Variants in CPT2 observed in about 807,000 individuals in gnomAD.
The protein encoded by CPT2 is carnitine palmitoyltransferase 2.
In CPT2, 37 loss-of-function variants were observed where a neutral mutation model predicts 48.6. The ratio of observed to expected loss-of-function variants is 0.76; its 90% CI spans 0.59 to 1.00. The LOEUF (loss-of-function observed/expected upper bound fraction) is 1.00. Ranked by LOEUF, CPT2 falls within the 50% of genes least tolerant of loss-of-function variation. The pLI is 0.00. For missense variants in CPT2, 772 were observed against 825.6 expected (o/e 0.94, Z 0.80); for synonymous variants, 319 against 326.9 (o/e 0.98, Z 0.26).
intron 4 of CPT2, chr1:53,212,692 G>A (rs1645437254): frequency 2.5e-6 from 1 of 403,152 alleles, no homozygotes. Flanking sequence ...GACCTGGAGG[G>A]TCATAGTTGT....
chr1:53,203,299 C>G (rs1645365649), intron 3 of CPT2: 1 of 152,196 alleles, frequency 6.6e-6, no homozygotes, highest in Admixed American at 6.5e-5. Flanking sequence ...TATACACATA[C>G]TTCCTATCCC....
In CPT2 at chr1:53,196,843, C is replaced by T. The variant is rs886046406; in HGVS notation, c.-101C>T. 35 of 1,441,390 alleles carry T rather than the reference C, an allele frequency of 2.4e-5. No individual in the cohort carries two copies. The Admixed American group carries it at 6.9e-4, about 28-fold the overall frequency. 89.3% of individuals were successfully genotyped at this position (1,441,390 alleles called of 1,614,324 possible). On this transcript the variant is annotated 5_prime_UTR_variant, in exon 1 of 5. Transcript: ENST00000371486. ...GCGGGCGGAGAAGTGCCTCAGGAGT[C>T]CTGACGCAGTGTCTTGGGCGCTAAC...
chr1:53,211,363 T>C (rs1572386066), intron 4 of CPT2, 44 bp downstream of exon 4: 1 of 1,525,676 alleles, frequency 6.6e-7, no homozygotes. Flanking sequence ...TTGTCCTCAG[T>C]GCTTGGGTAA....
intron 3 of CPT2, chr1:53,202,661 A>T: frequency 1.8e-6 from 1 of 561,522 alleles, no homozygotes; most frequent in Non-Finnish European, 3.2e-6. Flanking sequence ...TGTAGATGGG[A>T]TTGAGGCAGA....
Position 53,200,766 on chromosome 1 carries a change from C to G in CPT2, c.200C>G (p.Ala67Gly), listed in dbSNP as rs201966320. The change falls in exon 2 of 5, where the codon GCA (alanine) becomes GGA (glycine). Residue 67 changes from alanine to glycine, a missense_variant. Coordinates refer to ENST00000371486, the MANE Select transcript of CPT2 (RefSeq NM_000098.3). Reference sequence around the variant, plus strand: ...GACACCATTAGGAGATACCTCAGTGCACAGAAGCCTCTCTTGAATGATGGC... The same window carrying G: ...GACACCATTAGGAGATACCTCAGTGGACAGAAGCCTCTCTTGAATGATGGC... ...LEDTIRRYLS[A>G]QKPLLNDGQF... 6.7e-5 allele frequency: 108 copies of G among 1,614,060 alleles called. No individual in the cohort carries two copies. Among genetic ancestry groups the G allele is most frequent in the Non-Finnish European group, 8.9e-5 (105 of 1,179,942 alleles).
chr1:53,211,121 G>C lies in CPT2; in HGVS notation c.1447G>C (p.Val483Leu). The C allele has an allele frequency of 6.2e-7, 1 of 1,614,088 alleles. No individual in the cohort carries two copies. Among genetic ancestry groups the C allele is most frequent in the South Asian group, 1.1e-5 (1 of 91,064 alleles). The change falls in exon 4 of 5, where the codon GTG becomes CTG. Residue 483 changes from valine (V) to leucine (L), a missense_variant. By Grantham distance (32) the Val-to-Leu change is conservative. Transcript: ENST00000371486. ...MAFLRQYGQT[V>L]ATYESCSTAA... ...CTTCCTGCGGCAGTACGGGCAGACA[G>C]TGGCCACCTACGAGTCCTGTAGCAC...
chr1:53,205,529 A>AT (rs1645382132), intron 3 of CPT2, among the ~76,000 whole-genome samples: 1 of 152,228 alleles, frequency 6.6e-6, no homozygotes, highest in African/African-American at 2.4e-5. Flanking sequence ...AGAAAAACCC[A>AT]TTTTCTGGGG....
In CPT2 at chr1:53,197,969, C is replaced by T. The variant is rs184681876; in HGVS notation, c.152+874C>T. Among the ~76,000 whole-genome samples the T allele has an allele frequency of 4.4e-4, 67 of 152,254 alleles. No homozygotes were observed. In the East Asian group the frequency reaches 0.013, roughly 29 times the overall value. Reference sequence around the variant, plus strand: ...AACACTTCACCCAGAATCGACTTCCCCTCTGAAAAGAGCCCTAGTAAATCC... The same window carrying T: ...AACACTTCACCCAGAATCGACTTCCTCTCTGAAAAGAGCCCTAGTAAATCC... On this transcript the variant is annotated intron_variant, in intron 1 of 4. Coordinates refer to ENST00000371486, the MANE Select transcript of CPT2 (RefSeq NM_000098.3).
Position 53,211,151 on chromosome 1 carries a change from G to A in CPT2, c.1477G>A (p.Ala493Thr), listed in dbSNP as rs61731996. ...CACCTACGAGTCCTGTAGCACTGCC[G>A]CATTCAAGCACGGCCGCACTGAGAC... ...VATYESCSTAAFKHGRTETIR... is the reference protein window; with the variant it reads ...VATYESCSTATFKHGRTETIR... Residue 493 changes from alanine to threonine, a missense_variant, in exon 4 of 5, where the codon GCA becomes ACA. Ala to Thr is a moderately conservative substitution (Grantham distance 58). Coordinates refer to ENST00000371486, the MANE Select transcript of CPT2 (RefSeq NM_000098.3). The A allele has an allele frequency of 5.5e-5, 88 of 1,612,358 alleles. No homozygotes were observed. The African/African-American group carries it at 9.6e-4, about 18-fold the overall frequency.
At chr1:53,201,717 T>A (rs575705062) in intron 2 of CPT2, 1 of 157,746 alleles carries the variant, frequency 6.3e-6, no homozygotes, top group South Asian at 1.9e-4. Flanking sequence ...TACAGGTAAC[T>A]GGCATTGTTG....
At chr1:53,209,662 G>A (rs542236370) in intron 3 of CPT2, 11 of 307,856 alleles carry the variant, frequency 3.6e-5, no homozygotes, top group African/African-American at 1.8e-4. Flanking sequence ...TGTAATCCCA[G>A]CTACTCAGGA....
intron 3 of CPT2, among the ~76,000 whole-genome samples, chr1:53,204,827 T>G (rs1025347718): frequency 7.9e-5 from 12 of 152,216 alleles, no homozygotes; most frequent in Admixed American, 5.9e-4. Flanking sequence ...CTTGTTCGCT[T>G]TCTCTCCTGC....
chr1:53,211,536 T>C, intron 4 of CPT2: 1 of 585,584 alleles, frequency 1.7e-6, no homozygotes, highest in Non-Finnish European at 3.0e-6. Flanking sequence ...GGTGGGGAAA[T>C]GCATGTGTCT....
In CPT2 at chr1:53,211,019, CAG is replaced by C; in HGVS notation, c.1350_1351del (p.Gly451ArgfsTer13). ...KTLTIDCVQF[Q>X]RGGKEFLKKQ... ...CCTCACTATTGACTGCGTCCAGTTT[CAG>C]AGAGGAGGCAAAGAATTCCTGAAGA... On this transcript the variant is annotated frameshift_variant, in exon 4 of 5. Coordinates refer to ENST00000371486, the MANE Select transcript of CPT2 (RefSeq NM_000098.3). LOFTEE classifies it high-confidence loss of function. The C allele has an allele frequency of 6.2e-7, 1 of 1,614,234 alleles. No homozygotes were observed. Among genetic ancestry groups the C allele is most frequent in the Non-Finnish European group, 8.5e-7 (1 of 1,180,038 alleles).
chr1:53,212,618 C>T (rs184458198), intron 4 of CPT2, among the ~76,000 whole-genome samples: 14 of 152,316 alleles, frequency 9.2e-5, no homozygotes, highest in Admixed American at 7.2e-4. Context: ...CAGGTTATCT[C>T]AGAAGCTCTT....
At position 53,206,960 on chromosome 1, in the gene CPT2, T is replaced by C. The variant is rs191753872; in HGVS notation, c.341-3055T>C. 7.5e-4 allele frequency among the ~76,000 whole-genome samples: 115 copies of C among 152,324 alleles called. 1 individual carries two copies. The highest frequency in any genetic ancestry group is 2.5e-3 in the African/African-American group (105 of 41,570). On this transcript the variant is annotated intron_variant, in intron 3 of 4. Transcript: ENST00000371486. ...TCTGTGTCTCCAACCAAATCTGATC[T>C]TGAATTGTAATAATCCCCAAGTGTC...
chr1:53,201,778 A>C (rs1645355904), intron 2 of CPT2: 1 of 165,602 alleles, frequency 6.0e-6, no homozygotes, highest in South Asian at 1.5e-4. Flanking sequence ...CAGATGAATT[A>C]TCCATAATCT....
At position 53,211,605 on chromosome 1, in the gene CPT2, T is replaced by C. The variant is rs990846691; in HGVS notation, c.1645+286T>C. On this transcript the variant is annotated intron_variant, in intron 4 of 4. Coordinates refer to ENST00000371486, the MANE Select transcript of CPT2 (RefSeq NM_000098.3). ...GCATTAATTCTTTTTTCTTTCTTTT[T>C]TTTTTTTTTTTTTGGAGACAAGAGT... 136 of 220,568 alleles carry C rather than the reference T, an allele frequency of 6.2e-4. No homozygotes were observed. The East Asian group carries it at 0.015, about 24-fold the overall frequency. 13.7% of individuals were successfully genotyped at this position (220,568 alleles called of 1,614,324 possible). A position where few individuals can be genotyped will look rare whatever the true frequency, so the allele number is the denominator to read the frequency against.
chr1:53,205,647 C>T (rs973707593), intron 3 of CPT2, among the ~76,000 whole-genome samples: 1 of 152,236 alleles, frequency 6.6e-6, no homozygotes, highest in African/African-American at 2.4e-5. Flanking sequence ...GAGATCTTTA[C>T]AGTAGCCCCT....
Sources: allele counts gnomAD v4.1 joint callset (sites outside exome capture counted in the v4.1 genomes callset), GRCh38; gene constraint gnomAD v4.1.1; transcripts MANE v1.5; gene names NCBI Gene and HGNC (gene_info 2026-07-23, HGNC 2026-07-21).